Variants in LHFPL4 observed in about 807,000 individuals in gnomAD.
LHFPL4 encodes the protein LHFPL tetraspan subfamily member 4.
LHFPL4 carries 6 observed loss-of-function variants against 20.0 expected under a neutral mutation model. The ratio of observed to expected loss-of-function variants is 0.30; its 90% CI spans 0.16 to 0.59. The LOEUF is 0.59. Among genes scored for constraint, LHFPL4 ranks in the 20% least tolerant of loss-of-function variants. LHFPL4 has a pLI of 0.88. For synonymous variants in LHFPL4, 129 were observed against 143.8 expected (o/e 0.90, Z 0.74); for missense variants, 215 against 331.2 (o/e 0.65, Z 2.72).
chr3:9,515,633 A>G (rs2046294959), intron 2 of LHFPL4, among the ~76,000 whole-genome samples: 1 of 151,852 alleles, frequency 6.6e-6, no homozygotes, highest in African/African-American at 2.4e-5. Flanking sequence ...CGGCCTCCCA[A>G]AGTGCTGGGA....
intron 2 of LHFPL4, among the ~76,000 whole-genome samples, chr3:9,534,660 G>C (rs1461729255): frequency 6.6e-6 from 1 of 152,168 alleles, no homozygotes; most frequent in Non-Finnish European, 1.5e-5. Context: ...ATTACCGACA[G>C]AAACCATAAA....
At chr3:9,542,607 G>T (rs1331197555) in intron 2 of LHFPL4, among the ~76,000 whole-genome samples, 1 of 151,714 alleles carries the variant, frequency 6.6e-6, no homozygotes, top group Non-Finnish European at 1.5e-5. Context: ...AAGAGTTCAA[G>T]ACCAGCCTGG....
chr3:9,509,686 T>G (rs1381656093), intron 2 of LHFPL4, among the ~76,000 whole-genome samples: 1 of 152,188 alleles, frequency 6.6e-6, no homozygotes, highest in Admixed American at 6.5e-5. Flanking sequence ...GGGTTTCAGA[T>G]GGTGGCTGTG....
chr3:9,548,253 A>C (rs768324319), intron 2 of LHFPL4, among the ~76,000 whole-genome samples: 2 of 152,194 alleles, frequency 1.3e-5, no homozygotes, highest in Non-Finnish European at 2.9e-5. Context: ...CTACTCCACA[A>C]GATTGTTGTG....
chr3:9,510,015 C>G (rs2125656381), intron 2 of LHFPL4, among the ~76,000 whole-genome samples: 2 of 152,332 alleles, frequency 1.3e-5, no homozygotes, highest in South Asian at 4.1e-4. Flanking sequence ...ATGGCACAAG[C>G]TTTCTCAGCC....
chr3:9,551,593 A>G (rs985499444), intron 2 of LHFPL4, among the ~76,000 whole-genome samples: 1 of 152,180 alleles, frequency 6.6e-6, no homozygotes, highest in African/African-American at 2.4e-5. Context: ...CCCATTGGGC[A>G]TGGCACCAGA....
At chr3:9,509,248 T>A (rs9810238) in intron 2 of LHFPL4, among the ~76,000 whole-genome samples, 1 of 102,706 alleles carries the variant, frequency 9.7e-6, no homozygotes, top group African/African-American at 3.4e-5. Flanking sequence ...CGCACCCCCC[T>A]CTCTCTCTCT....
intron 2 of LHFPL4, among the ~76,000 whole-genome samples, chr3:9,539,211 TG>T (rs1275666214): frequency 6.6e-6 from 1 of 152,088 alleles, no homozygotes; most frequent in African/African-American, 2.4e-5. Context: ...TCCAGCACTT[TG>T]GGAGGCTGAG....
At chr3:9,548,978 G>C (rs548018330) in intron 2 of LHFPL4, among the ~76,000 whole-genome samples, 41 of 152,312 alleles carry the variant, frequency 2.7e-4, no homozygotes, top group Admixed American at 1.8e-3. Flanking sequence ...GAGCACAGAG[G>C]AACCAAGAAA....
At chr3:9,543,047 TGTAATA>T (rs2046487647) in intron 2 of LHFPL4, among the ~76,000 whole-genome samples, 2 of 152,134 alleles carry the variant, frequency 1.3e-5, no homozygotes, top group Admixed American at 1.3e-4. Flanking sequence ...TTAAAAACCA[TGTAATA>T]GTTCACTTGA....
intron 2 of LHFPL4, among the ~76,000 whole-genome samples, chr3:9,530,686 C>G (rs982715536): frequency 3.9e-5 from 6 of 152,172 alleles, no homozygotes; most frequent in Non-Finnish European, 5.9e-5. Context: ...CAAGAGCCCT[C>G]ACTTTTGGCT....
intron 1 of LHFPL4, among the ~76,000 whole-genome samples, chr3:9,553,148 T>C (rs963584670): frequency 6.7e-6 from 1 of 150,104 alleles, no homozygotes; most frequent in African/African-American, 2.5e-5. Flanking sequence ...AGAAGGGAAT[T>C]TGGGGACTGG....
rs546111678 is a variant in LHFPL4, at chr3:9,530,873, A to G, written c.406+21401T>C. Among the ~76,000 whole-genome samples the G allele has an allele frequency of 1.2e-3, 183 of 152,322 alleles. 2 individuals are homozygous for G. The South Asian group carries it at 0.013, about 11-fold the overall frequency. On this transcript the variant is annotated intron_variant, in intron 2 of 3. Coordinates refer to ENST00000287585, the MANE Select transcript of LHFPL4 (RefSeq NM_198560.3). The stretch of plus-strand genomic sequence containing the variant: ...CAGCCTCCTGCAAAGTGCTGGGATA[A>G]CAAGCGTGAGCCACCAGGCCCAGCC...
Position 9,552,574 on chromosome 3 carries a change from T to C in LHFPL4, c.106A>G (p.Ile36Val). ...WAIFTICFAI[I>V]NVVVFIQPYW... Reference sequence around the variant, plus strand: ...GGCTGGATGAAGACCACCACGTTGATGATGGCGAAGCAGATGGTGAAGATG... The same window carrying C: ...GGCTGGATGAAGACCACCACGTTGACGATGGCGAAGCAGATGGTGAAGATG... The change falls in exon 2 of 4, where the codon ATC becomes GTC. Residue 36 changes from isoleucine (I) to valine (V), a missense_variant. By Grantham distance (29) the Ile-to-Val change is conservative. Coordinates refer to ENST00000287585, the MANE Select transcript of LHFPL4 (RefSeq NM_198560.3). 1 of 1,613,910 alleles carries C rather than the reference T, an allele frequency of 6.2e-7. No individual in the cohort carries two copies.
chr3:9,511,858 G>T (rs979429602), intron 2 of LHFPL4, among the ~76,000 whole-genome samples: 1 of 152,010 alleles, frequency 6.6e-6, no homozygotes, highest in Non-Finnish European at 1.5e-5. Flanking sequence ...TCTTGCATGT[G>T]TCTGGTGTTT....
intron 3 of LHFPL4, among the ~76,000 whole-genome samples, chr3:9,505,252 C>G (rs1164330259): frequency 7.0e-6 from 1 of 142,996 alleles, no homozygotes; most frequent in African/African-American, 2.6e-5. Context: ...AGGCAGGTTT[C>G]TTTTTTTCTT....
In LHFPL4 at chr3:9,500,531, A is replaced by C. The variant is rs879515406; in HGVS notation, c.*1680T>G. 6.6e-6 allele frequency: 1 copy of C among 152,322 alleles called. No individual in the cohort carries two copies. The highest frequency in any genetic ancestry group is 1.5e-5 in the Non-Finnish European group (1 of 68,124). 9.4% of individuals were successfully genotyped at this position (152,322 alleles called of 1,614,324 possible). A position where few individuals can be genotyped will look rare whatever the true frequency, so the allele number is the denominator to read the frequency against. On this transcript the variant is annotated 3_prime_UTR_variant, in exon 4 of 4. Transcript: ENST00000287585. Reference sequence around the variant, plus strand: ...TAGGGTCCAGAGTGGGGAGACAGGCAGGGGACTTCTAGGGTCTTTCTTGGA... The same window carrying C: ...TAGGGTCCAGAGTGGGGAGACAGGCCGGGGACTTCTAGGGTCTTTCTTGGA...
chr3:9,540,099 GCTT>G (rs2046468167), intron 2 of LHFPL4, among the ~76,000 whole-genome samples: 1 of 152,042 alleles, frequency 6.6e-6, no homozygotes, highest in East Asian at 1.9e-4. Context: ...CCCTTCTAGG[GCTT>G]TATCCTTATA....
chr3:9,553,461 C>T (rs1468539558), intron 1 of LHFPL4, among the ~76,000 whole-genome samples: 1 of 149,142 alleles, frequency 6.7e-6, no homozygotes, highest in East Asian at 2.0e-4. Flanking sequence ...CTAGGATTGG[C>T]GGGCCAGGGT....
Sources: allele counts gnomAD v4.1 joint callset (sites outside exome capture counted in the v4.1 genomes callset), GRCh38; gene constraint gnomAD v4.1.1; transcripts MANE v1.5; gene names NCBI Gene and HGNC (gene_info 2026-07-23, HGNC 2026-07-21).